The following ANKRD30B variants were observed in gnomAD, a reference collection of about 807,000 sequenced individuals.
The protein encoded by ANKRD30B is ankyrin repeat domain 30B, also known as ankyrin repeat domain-containing protein 30B.
ANKRD30B carries 144 observed loss-of-function variants against 202.2 expected under a neutral mutation model. That is an observed-to-expected ratio of 0.71 (90% CI 0.62 to 0.82). The LOEUF (loss-of-function observed/expected upper bound fraction) is 0.82. Ranked by LOEUF, ANKRD30B falls within the 40% of genes least tolerant of loss-of-function variation. The pLI, the probability that ANKRD30B is intolerant of heterozygous loss-of-function variation, is 0.00. For missense variants in ANKRD30B, 1,487 were observed against 1,669.1 expected, an observed-to-expected ratio of 0.89 and a Z score of 1.90; for synonymous variants, 508 against 561.3, an observed-to-expected ratio of 0.91 and a Z score of 1.34.
the ANKRD30B span, among the ~76,000 whole-genome samples, chr18:14,865,502 C>T: frequency 2.6e-4 from 39 of 151,840 alleles, no homozygotes; most frequent in African/African-American, 7.3e-4. Flanking sequence ...TCCCCACTCA[C>T]GACCCTCTCT....
intron 30 of ANKRD30B, among the ~76,000 whole-genome samples, chr18:14,820,709 A>C (rs1368174195): frequency 6.6e-6 from 1 of 152,082 alleles, no homozygotes; most frequent in Non-Finnish European, 1.5e-5. Flanking sequence ...CCCAGGGATG[A>C]AGCCCACTTG....
chr18:14,794,785 A>C (rs1194600756), intron 16 of ANKRD30B, among the ~76,000 whole-genome samples: 1 of 152,194 alleles, frequency 6.6e-6, no homozygotes, highest in Non-Finnish European at 1.5e-5. Context: ...TGTCCCCTGA[A>C]GTGTCTTCAT....
chr18:14,915,149 C>G, the ANKRD30B span, among the ~76,000 whole-genome samples: 3 of 152,094 alleles, frequency 2.0e-5, no homozygotes, highest in African/African-American at 7.2e-5. Context: ...ACTGAGTAGA[C>G]ATGGAATTAG....
rs571627819 is a variant in ANKRD30B at position 14,809,218 on chromosome 18, T to G, written c.2386+474T>G. Among the ~76,000 whole-genome samples, 98 of 151,038 alleles carry G rather than the reference T, an allele frequency of 6.5e-4. 5 individuals are homozygous for G. Among genetic ancestry groups the G allele is most frequent in the African/African-American group, 2.3e-3 (96 of 40,916 alleles). The stretch of plus-strand genomic sequence containing the variant: ...GGTCACATGGGGATGAAGTAATTCT[T>G]TAACTAACATCTGTATGCAGAAATA... On this transcript the variant is annotated intron_variant, in intron 26 of 43. Transcript: ENST00000690538.
intron 28 of ANKRD30B, 120 bp downstream of exon 28, chr18:14,810,300 A>G: frequency 1.6e-6 from 1 of 621,808 alleles, no homozygotes; most frequent in Non-Finnish European, 2.6e-6. Flanking sequence ...AATTTGATAC[A>G]AATAATGCAA....
At chr18:14,792,900 T>A (rs1000939805) in intron 16 of ANKRD30B, among the ~76,000 whole-genome samples, 13 of 152,120 alleles carry the variant, frequency 8.5e-5, no homozygotes, top group Admixed American at 7.2e-4. Flanking sequence ...ACCAGACTAA[T>A]TTTAAAAACC....
chr18:14,790,390 C>T (rs1598622020), intron 15 of ANKRD30B, among the ~76,000 whole-genome samples: 4 of 152,238 alleles, frequency 2.6e-5, no homozygotes, highest in Admixed American at 2.6e-4. Context: ...TTTCCTTCTC[C>T]TGCCTAAATG....
chr18:14,889,938 C>G, the ANKRD30B span: 2 of 653,910 alleles, frequency 3.1e-6, no homozygotes, highest in Non-Finnish European at 5.4e-6. Context: ...TGAGATATTT[C>G]GACAAAAATG....
chr18:14,809,378 G>A (rs2144049843), intron 26 of ANKRD30B, among the ~76,000 whole-genome samples: 1 of 151,032 alleles, frequency 6.6e-6, no homozygotes, highest in South Asian at 2.1e-4. Context: ...TGCAGCAAAA[G>A]CTGGTTAGAA....
the ANKRD30B span, among the ~76,000 whole-genome samples, chr18:14,867,869 C>T: frequency 0.016 from 2,473 of 152,312 alleles, 19 homozygotes; most frequent in Non-Finnish European, 0.027. Context: ...CAAGGTGAGG[C>T]TCTAACACTG....
chr18:14,859,893 G>A, the ANKRD30B span, among the ~76,000 whole-genome samples: 2 of 87,906 alleles, frequency 2.3e-5, no homozygotes, highest in African/African-American at 4.6e-5. Context: ...ATTGTGTGTC[G>A]TCCATTCAGA....
chr18:14,810,011 G>T lies in ANKRD30B; in HGVS notation c.2412G>T (p.Leu804=). ...AGTCTCCTGATAAAGATGGTCTTCTGAAGGTAATAACTTTTATATTTTTAT... is the reference window on the plus strand; with the variant it reads ...AGTCTCCTGATAAAGATGGTCTTCTTAAGGTAATAACTTTTATATTTTTAT... ...KAESPDKDGL[L]KPTCVRKVSL... The change falls in exon 27 of 44, where the codon CTG becomes CTT. Residue 804 remains leucine, a synonymous_variant. Transcript: ENST00000690538. 1.4e-6 allele frequency: 2 copies of T among 1,425,082 alleles called. No individual in the cohort carries two copies. Among genetic ancestry groups the T allele is most frequent in the Non-Finnish European group, 2.0e-6 (2 of 1,019,042 alleles). The allele number at this position is 1,425,082 out of a possible 1,614,324, so 88.3% of individuals were successfully genotyped here. A position where few individuals can be genotyped will look rare whatever the true frequency, so the allele number is the denominator to read the frequency against.
intron 4 of ANKRD30B, among the ~76,000 whole-genome samples, chr18:14,757,184 A>G (rs1914504555): frequency 6.6e-6 from 1 of 152,222 alleles, no homozygotes; most frequent in African/African-American, 2.4e-5. Context: ...GATAAAGAGA[A>G]AAGAGATAGG....
intron 20 of ANKRD30B, 30 bp from the exon 21 acceptor site, chr18:14,799,071 A>G (rs1231148864): frequency 1.3e-6 from 2 of 1,547,376 alleles, no homozygotes; most frequent in Non-Finnish European, 8.9e-7. Flanking sequence ...GCTTGCATAT[A>G]ATCAATTATA....
intron 34 of ANKRD30B, among the ~76,000 whole-genome samples, chr18:14,835,327 A>AT (rs1971125599): frequency 6.6e-6 from 1 of 151,522 alleles, no homozygotes; most frequent in African/African-American, 2.4e-5. Context: ...ATTGTTTTAA[A>AT]GTAAAGTACC....
intron 14 of ANKRD30B, among the ~76,000 whole-genome samples, chr18:14,784,930 T>A (rs560987955): frequency 1.9e-4 from 29 of 152,312 alleles, no homozygotes; most frequent in African/African-American, 7.0e-4. Context: ...TGTTTTAATA[T>A]TAATTACCTC....
intron 6 of ANKRD30B, among the ~76,000 whole-genome samples, chr18:14,763,284 C>T (rs1342796569): frequency 6.6e-6 from 1 of 152,104 alleles, no homozygotes; most frequent in Non-Finnish European, 1.5e-5. Flanking sequence ...CACAGTGGTT[C>T]ACTCCTATAA....
At chr18:14,931,847 T>C in the ANKRD30B span, among the ~76,000 whole-genome samples, 1 of 115,120 alleles carries the variant, frequency 8.7e-6, no homozygotes, top group African/African-American at 3.3e-5. Context: ...CTGAAACCAT[T>C]TGAGGGCAGA....
At chr18:14,914,330 G>A in the ANKRD30B span, among the ~76,000 whole-genome samples, 1 of 152,200 alleles carries the variant, frequency 6.6e-6, no homozygotes, top group Non-Finnish European at 1.5e-5. Flanking sequence ...CAGGCTTTGA[G>A]TATTGGAGTC....
Sources: allele counts gnomAD v4.1 joint callset (sites outside exome capture counted in the v4.1 genomes callset), GRCh38; gene constraint gnomAD v4.1.1; transcripts MANE v1.5; gene names NCBI Gene and HGNC (gene_info 2026-07-23, HGNC 2026-07-21).